ANO1: variants seen among roughly 807,000 people sequenced by gnomAD.
ANO1 encodes the protein anoctamin 1, also known as anoctamin-1.
ANO1 carries 59 observed loss-of-function variants against 124.0 expected under a neutral mutation model. The ratio of observed to expected loss-of-function variants is 0.48; its 90% CI spans 0.39 to 0.59. The LOEUF (loss-of-function observed/expected upper bound fraction) is 0.59. Ranked by LOEUF, ANO1 falls within the 20% of genes least tolerant of loss-of-function variation. ANO1 has a pLI of 0.00. For synonymous variants in ANO1, 529 were observed against 532.0 expected (o/e 0.99, Z 0.08); for missense variants, 1,059 against 1,328.0 (o/e 0.80, Z 3.15).
At chr11:70,185,804 T>C in intron 25 of ANO1, 109 bp downstream of exon 25, 2 of 1,184,064 alleles carry the variant, frequency 1.7e-6, no homozygotes, top group East Asian at 5.0e-5. Context: ...GTTCAGAGAC[T>C]CCTCCAGAGG....
intron 1 of ANO1, among the ~76,000 whole-genome samples, chr11:70,070,270 G>A (rs1240304299): frequency 1.3e-5 from 2 of 152,200 alleles, no homozygotes; most frequent in Non-Finnish European, 2.9e-5. Context: ...AGCCAAGGAG[G>A]GTGAGGGGAG....
chr11:69,998,236 A>G (rs1226617232), intron 1 of ANO1, among the ~76,000 whole-genome samples: 1 of 152,238 alleles, frequency 6.6e-6, no homozygotes, highest in African/African-American at 2.4e-5. Context: ...GATCAATTGT[A>G]ACACAAATCT....
intron 10 of ANO1, chr11:70,129,565 ATTC>A (rs1240346846): frequency 1.3e-5 from 2 of 151,814 alleles, no homozygotes; most frequent in East Asian, 1.9e-4. Flanking sequence ...GCTGCAATGA[ATTC>A]TTCTTAACCT....
intron 1 of ANO1, among the ~76,000 whole-genome samples, chr11:70,049,438 G>T (rs1857314202): frequency 6.6e-6 from 1 of 152,202 alleles, no homozygotes; most frequent in Non-Finnish European, 1.5e-5. Flanking sequence ...TCTTGAAGAT[G>T]ACCAGAACAA....
rs2045350909 is a variant in ANO1, at chr11:70,103,273, A to AT, written c.540+109_540+110insT. ...GAGGCCCTGAGTTTTATAAAAAAAA[A>AT]ACCCAGTGGGCTTCACGGCTACCCC... On this transcript the variant is annotated intron_variant, in intron 3 of 25. Transcript: ENST00000355303. 5 of 883,636 alleles carry AT rather than the reference A, an allele frequency of 5.7e-6. 1 individual carries two copies. The South Asian group carries it at 8.8e-5, about 16-fold the overall frequency. 54.7% of individuals were successfully genotyped at this position (883,636 alleles called of 1,614,324 possible). A position where few individuals can be genotyped will look rare whatever the true frequency, so the allele number is the denominator to read the frequency against.
intron 22 of ANO1, among the ~76,000 whole-genome samples, chr11:70,178,477 A>G (rs2048814458): frequency 6.6e-6 from 1 of 152,222 alleles, no homozygotes; most frequent in Non-Finnish European, 1.5e-5. Flanking sequence ...GATAGTCCCC[A>G]TGGCCCGAGG....
In ANO1 at chr11:70,004,985, T is replaced by C. The variant is rs190591542; in HGVS notation, c.58+18819T>C. ...AAAATTAGCCAGGTGTGGTTGCAGG[T>C]GCTTGAAATCCCAGCTACTCAGGAG... is the stretch of plus-strand genomic sequence containing the variant. On this transcript the variant is annotated intron_variant, in intron 1 of 27. Transcript: ENST00000531349. Among the ~76,000 whole-genome samples the C allele has an allele frequency of 3.2e-3, 481 of 152,148 alleles. 4 individuals are homozygous for C. Among genetic ancestry groups the C allele is most frequent in the African/African-American group, 0.011 (461 of 41,518 alleles).
chr11:70,181,341 C>A (rs919712725), intron 23 of ANO1, among the ~76,000 whole-genome samples: 1 of 152,072 alleles, frequency 6.6e-6, no homozygotes, highest in Non-Finnish European at 1.5e-5. Flanking sequence ...GGGTGACACT[C>A]AGCCCCGGAG....
intron 1 of ANO1, among the ~76,000 whole-genome samples, chr11:70,069,243 G>A (rs1857808348): frequency 6.6e-6 from 1 of 152,232 alleles, no homozygotes; most frequent in Admixed American, 6.5e-5. Context: ...GAAGGAACCA[G>A]GGAGTGTGTT....
rs1555000826 is a variant in ANO1, at chr11:70,010,171, G to GTGTGTGTA, written c.58+24012_58+24013insATGTGTGT. Among the ~76,000 whole-genome samples the GTGTGTGTA allele has an allele frequency of 1.4e-3, 72 of 50,274 alleles. 2 individuals carry two copies. Among genetic ancestry groups the GTGTGTGTA allele is most frequent in the East Asian group, 2.2e-3 (2 of 910 alleles). The allele number at this position is 50,274 out of a possible 152,430, so 33.0% of individuals were successfully genotyped here. On this transcript the variant is annotated intron_variant, in intron 1 of 27. Coordinates refer to the ANO1 transcript ENST00000531349. The stretch of plus-strand genomic sequence containing the variant: ...TGTGTGTGTGTGTGTGTGTGCGCGT[G>GTGTGTGTA]TGTGTGTGTATATATATATATATAT...
At chr11:70,149,282 G>T (rs548344942) in intron 11 of ANO1, among the ~76,000 whole-genome samples, 1 of 152,326 alleles carries the variant, frequency 6.6e-6, no homozygotes, top group Admixed American at 6.5e-5. Flanking sequence ...GGATTGGCGG[G>T]AGGGCTGAAC....
At chr11:69,976,549 A>C in the ANO1 span, among the ~76,000 whole-genome samples, 3 of 94,678 alleles carry the variant, frequency 3.2e-5, no homozygotes, top group African/African-American at 7.2e-5. Context: ...AAAAAAAAAA[A>C]AAAAAGAGAG....
intron 1 of ANO1, among the ~76,000 whole-genome samples, chr11:69,997,414 C>T (rs1157948884): frequency 6.6e-6 from 1 of 152,062 alleles, no homozygotes; most frequent in African/African-American, 2.4e-5. Flanking sequence ...AGGAAGGGAG[C>T]ATGCCAGGAG....
chr11:70,049,850 A>G (rs1047198824), intron 1 of ANO1, among the ~76,000 whole-genome samples: 6 of 152,136 alleles, frequency 3.9e-5, no homozygotes, highest in Non-Finnish European at 1.5e-5. Context: ...CCTCCTGAGT[A>G]GCTAGGATTT....
At chr11:70,179,253 A>G (rs867845402) in intron 22 of ANO1, among the ~76,000 whole-genome samples, 4 of 152,202 alleles carry the variant, frequency 2.6e-5, no homozygotes, top group Admixed American at 6.5e-5. Flanking sequence ...GCTGCACACA[A>G]CATTGCTGGG....
chr11:70,095,402 G>GA (rs1439385009), intron 2 of ANO1, among the ~76,000 whole-genome samples: 1,362 of 48,368 alleles, frequency 0.028, 125 homozygotes, highest in Admixed American at 0.075. Flanking sequence ...AAGAAAGAAA[G>GA]AAAGAAAGAA....
At chr11:70,044,278 ATATAT>A (rs1472679036) in intron 1 of ANO1, among the ~76,000 whole-genome samples, 2 of 152,118 alleles carry the variant, frequency 1.3e-5, no homozygotes, top group Non-Finnish European at 2.9e-5. Flanking sequence ...TGTGCTGTAT[ATATAT>A]TATATATCAA....
At chr11:70,085,065 C>T (rs944384506) in intron 1 of ANO1, among the ~76,000 whole-genome samples, 84 of 152,194 alleles carry the variant, frequency 5.5e-4, no homozygotes, top group Middle Eastern at 3.4e-3. Flanking sequence ...GCACCTTGGG[C>T]GTGCAGATGG....
intron 1 of ANO1, among the ~76,000 whole-genome samples, chr11:70,010,169 G>GATATATATA (rs1856569548): frequency 0.012 from 268 of 22,636 alleles, 21 homozygotes; most frequent in African/African-American, 0.028. Context: ...GTGTGTGCGC[G>GATATATATA]TGTGTGTGTG....
Sources: allele counts gnomAD v4.1 joint callset (sites outside exome capture counted in the v4.1 genomes callset), GRCh38; gene constraint gnomAD v4.1.1; transcripts MANE v1.5; gene names NCBI Gene and HGNC (gene_info 2026-07-23, HGNC 2026-07-21).